Variants in PCCA observed in about 807,000 individuals in gnomAD.
PCCA encodes propionyl-CoA carboxylase subunit alpha.
Under a neutral mutation model 101.3 loss-of-function variants are expected in PCCA, and 74 were observed. The observed-to-expected ratio is 0.73, with a 90% CI of 0.61 to 0.89. The LOEUF is 0.89. PCCA is among the 40% of genes least tolerant of loss of function. The pLI, the probability that PCCA is intolerant of heterozygous loss-of-function variation, is 0.00. For synonymous variants in PCCA, 294 were observed against 313.6 expected, an observed-to-expected ratio of 0.94 and a Z score of 0.66; for missense variants, 891 against 907.0, an observed-to-expected ratio of 0.98 and a Z score of 0.23.
intron 18 of PCCA, among the ~76,000 whole-genome samples, chr13:100,353,104 A>G (rs2073476849): frequency 6.6e-6 from 1 of 152,236 alleles, no homozygotes; most frequent in Non-Finnish European, 1.5e-5. Context: ...TAACAAGTAT[A>G]AACATATATG....
intron 19 of PCCA, among the ~76,000 whole-genome samples, chr13:100,424,347 C>G (rs2079007585): frequency 1.3e-5 from 2 of 152,072 alleles, no homozygotes; most frequent in African/African-American, 4.8e-5. Context: ...CCCATGGATT[C>G]CAAGGATCAC....
At chr13:100,523,924 C>T (rs1446673736) in intron 22 of PCCA, among the ~76,000 whole-genome samples, 1 of 152,226 alleles carries the variant, frequency 6.6e-6, no homozygotes, top group Admixed American at 6.5e-5. Context: ...AGGAACGGGC[C>T]CCGCACATGG....
chr13:100,323,051 C>T (rs560651688), intron 16 of PCCA, among the ~76,000 whole-genome samples: 9 of 152,324 alleles, frequency 5.9e-5, no homozygotes, highest in African/African-American at 1.9e-4. Flanking sequence ...GATAGGTTTG[C>T]TCAGATTAAA....
chr13:100,302,365 T>C (rs973830142), intron 13 of PCCA, among the ~76,000 whole-genome samples: 3 of 152,320 alleles, frequency 2.0e-5, no homozygotes, highest in Admixed American at 1.3e-4. Context: ...GTGACTGTAT[T>C]GCTCTTGCTT....
intron 4 of PCCA, among the ~76,000 whole-genome samples, chr13:100,147,122 T>C (rs1486763877): frequency 3.3e-5 from 5 of 152,188 alleles, no homozygotes; most frequent in Non-Finnish European, 1.5e-5. Context: ...CCTTTATTTC[T>C]GCATATCCAT....
chr13:100,369,983 T>C (rs1220278697), intron 19 of PCCA, among the ~76,000 whole-genome samples: 1 of 152,048 alleles, frequency 6.6e-6, no homozygotes, highest in Non-Finnish European at 1.5e-5. Flanking sequence ...GAAGCCTTAC[T>C]GTAATCTGAT....
intron 18 of PCCA, among the ~76,000 whole-genome samples, chr13:100,342,496 G>C (rs1373156669): frequency 6.6e-6 from 1 of 151,850 alleles, no homozygotes; most frequent in African/African-American, 2.4e-5. Flanking sequence ...TTGAACTCCT[G>C]ACCTCAGGTG....
At chr13:100,410,127 GT>G (rs1370948049) in intron 19 of PCCA, among the ~76,000 whole-genome samples, 1 of 152,192 alleles carries the variant, frequency 6.6e-6, no homozygotes, top group Non-Finnish European at 1.5e-5. Context: ...GCTAATTAAT[GT>G]ACTATATGGA....
At chr13:100,409,092 G>A (rs1456604197) in intron 19 of PCCA, among the ~76,000 whole-genome samples, 1 of 152,136 alleles carries the variant, frequency 6.6e-6, no homozygotes, top group Non-Finnish European at 1.5e-5. Flanking sequence ...CCTCAGCAGT[G>A]GAGGAGGGAG....
intron 17 of PCCA, among the ~76,000 whole-genome samples, chr13:100,339,521 C>T (rs1248345036): frequency 8.5e-5 from 13 of 152,192 alleles, no homozygotes; most frequent in Non-Finnish European, 1.3e-4. Context: ...TGAAGAATTA[C>T]GCAAATTCTT....
intron 12 of PCCA, among the ~76,000 whole-genome samples, chr13:100,289,975 C>T (rs1012198123): frequency 2.6e-5 from 4 of 152,132 alleles, no homozygotes; most frequent in African/African-American, 9.7e-5. Flanking sequence ...GGAATATATG[C>T]TCTGAAATGT....
At chr13:100,500,606 A>C (rs1020527805) in intron 21 of PCCA, among the ~76,000 whole-genome samples, 2 of 152,218 alleles carry the variant, frequency 1.3e-5, no homozygotes, top group Non-Finnish European at 2.9e-5. Flanking sequence ...GAAGATAGTG[A>C]GCACGGTGGT....
Position 100,456,593 on chromosome 13 carries a change from A to G in PCCA, c.1899+7288A>G, listed in dbSNP as rs559666264. On this transcript the variant is annotated intron_variant, in intron 21 of 23. Coordinates refer to ENST00000376285, the MANE Select transcript of PCCA (RefSeq NM_000282.4). ...AGGGTGAATCTTCTAAGTGATTGAC[A>G]AGGTGAAGCAAGTCACGTGATCGTA... Among the ~76,000 whole-genome samples, 282 of 152,298 alleles carry G rather than the reference A, an allele frequency of 1.9e-3. 4 individuals carry two copies. Among genetic ancestry groups the G allele is most frequent in the African/African-American group, 6.5e-3 (272 of 41,568 alleles).
At chr13:100,216,178 T>C (rs1369829613) in intron 7 of PCCA, among the ~76,000 whole-genome samples, 1 of 151,934 alleles carries the variant, frequency 6.6e-6, no homozygotes, top group African/African-American at 2.4e-5. Flanking sequence ...AGTGCATGTT[T>C]AGCAGACCAT....
At chr13:100,504,899 C>T (rs1332570286) in intron 21 of PCCA, among the ~76,000 whole-genome samples, 1 of 152,046 alleles carries the variant, frequency 6.6e-6, no homozygotes, top group Non-Finnish European at 1.5e-5. Context: ...TGCCACTGCA[C>T]TCCAGCCTGG....
rs531694923 is a variant in PCCA at position 100,426,077 on chromosome 13, C to T, written c.1845+346C>T. On this transcript the variant is annotated intron_variant, in intron 20 of 23. Coordinates refer to ENST00000376285, the MANE Select transcript of PCCA (RefSeq NM_000282.4). Reference sequence around the variant, plus strand: ...CAACTTACTTTGTTACCTTTCTTTTCTGTGCAGTTGAAATTACGTAGTGTT... The same window carrying T: ...CAACTTACTTTGTTACCTTTCTTTTTTGTGCAGTTGAAATTACGTAGTGTT... 5.2e-4 allele frequency among the ~76,000 whole-genome samples: 78 copies of T among 150,404 alleles called. 1 individual carries two copies. Among genetic ancestry groups the T allele is most frequent in the African/African-American group, 1.8e-3 (72 of 40,966 alleles).
chr13:100,385,351 C>T lies in PCCA; in HGVS notation c.1746+16777C>T, dbSNP rs370943793. ...GAAGCCAACAGGTAAGCCAAAAAAC[C>T]AGAGAGAAAATTTGCAGTTCATTTT... On this transcript the variant is annotated intron_variant, in intron 19 of 23. Transcript: ENST00000376285. Among the ~76,000 whole-genome samples, 166 of 152,034 alleles carry T rather than the reference C, an allele frequency of 1.1e-3. 6 individuals carry two copies. The South Asian group carries it at 0.031, about 29-fold the overall frequency.
intron 19 of PCCA, among the ~76,000 whole-genome samples, chr13:100,423,090 G>T (rs887004519): frequency 1.3e-4 from 20 of 151,714 alleles, no homozygotes; most frequent in Non-Finnish European, 2.1e-4. Flanking sequence ...AGGCCGGGAG[G>T]GTAGGTGAAG....
intron 20 of PCCA, among the ~76,000 whole-genome samples, chr13:100,439,614 G>A (rs2080194660): frequency 6.6e-6 from 1 of 151,776 alleles, no homozygotes; most frequent in African/African-American, 2.4e-5. Context: ...ATTTCTTACA[G>A]TGTAGTTTGT....
Sources: gnomAD v4.1 joint callset for allele counts (sites outside exome capture counted in the v4.1 genomes callset) on GRCh38, gnomAD v4.1.1 for gene constraint, MANE v1.5 for transcripts, NCBI Gene and HGNC (gene_info 2026-07-23, HGNC 2026-07-21) for gene names.